ALK: variants seen among roughly 807,000 people sequenced by gnomAD.
ALK encodes the protein ALK receptor tyrosine kinase.
A neutral mutation model predicts 163.1 loss-of-function variants in ALK; 74 were observed. The observed-to-expected ratio is 0.45, with a 90% CI of 0.38 to 0.55. The LOEUF is 0.55. Ranked by LOEUF, ALK falls within the 20% of genes least tolerant of loss-of-function variation. The pLI is 0.00. For missense variants in ALK, 2,063 were observed against 2,105.3 expected (o/e 0.98, Z 0.39); for synonymous variants, 960 against 843.2 (o/e 1.14, Z -2.40).
At chr2:29,510,226 C>A (rs539640102) in intron 4 of ALK, among the ~76,000 whole-genome samples, 69 of 152,308 alleles carry the variant, frequency 4.5e-4, no homozygotes, top group Non-Finnish European at 8.4e-4. Context: ...CCTTTAATTC[C>A]TTCATCTGGT....
intron 4 of ALK, among the ~76,000 whole-genome samples, chr2:29,525,815 A>G (rs951029622): frequency 7.3e-6 from 1 of 137,740 alleles, no homozygotes; most frequent in Admixed American, 7.5e-5. Context: ...AAAAAAAAAA[A>G]GATGAGACTC....
In ALK at chr2:29,547,423, C is replaced by T. The variant is rs892783758; in HGVS notation, c.953-15307G>A. The stretch of plus-strand genomic sequence containing the variant: ...ATCAGCCTGGGCAACATGGTGAAAC[C>T]CCATCTCTACTAAAATACAAAAGAT... On this transcript the variant is annotated intron_variant, in intron 3 of 28. Coordinates refer to ENST00000389048, the MANE Select transcript of ALK (RefSeq NM_004304.5). 6.6e-5 allele frequency among the ~76,000 whole-genome samples: 10 copies of T among 152,176 alleles called. No individual in the cohort carries two copies. The East Asian group carries it at 1.9e-3, about 29-fold the overall frequency.
intron 1 of ALK, among the ~76,000 whole-genome samples, chr2:29,829,665 T>C (rs147623088): frequency 6.6e-6 from 1 of 152,340 alleles, no homozygotes; most frequent in Non-Finnish European, 1.5e-5. Flanking sequence ...GGGTAAAATA[T>C]TCATCAGATT....
At chr2:29,307,467 C>A (rs1666556566) in intron 8 of ALK, among the ~76,000 whole-genome samples, 1 of 152,174 alleles carries the variant, frequency 6.6e-6, no homozygotes, top group South Asian at 2.1e-4. Context: ...TATTCCCCAT[C>A]CAGTCTCTGT....
intron 3 of ALK, among the ~76,000 whole-genome samples, chr2:29,681,936 G>A (rs73921156): frequency 0.034 from 5,182 of 152,122 alleles, 311 homozygotes; most frequent in African/African-American, 0.12. Flanking sequence ...CAGGCTTCTG[G>A]AATTCACCTC....
chr2:29,813,571 G>A (rs993624604), intron 1 of ALK, among the ~76,000 whole-genome samples: 3 of 152,224 alleles, frequency 2.0e-5, no homozygotes, highest in African/African-American at 4.8e-5. Flanking sequence ...TAAAAAAGAA[G>A]AGGCATAAAA....
intron 3 of ALK, among the ~76,000 whole-genome samples, chr2:29,644,773 C>T (rs922755864): frequency 3.9e-5 from 6 of 151,998 alleles, no homozygotes; most frequent in Admixed American, 1.3e-4. Context: ...TCTAAAAGTA[C>T]GTATTAAAAA....
chr2:29,844,376 G>C (rs772628692), intron 1 of ALK, among the ~76,000 whole-genome samples: 1 of 152,082 alleles, frequency 6.6e-6, no homozygotes, highest in Non-Finnish European at 1.5e-5. Flanking sequence ...TGCCATTTTA[G>C]GGAATATTTT....
chr2:29,249,360 A>G (rs1345201468), intron 12 of ALK, among the ~76,000 whole-genome samples: 1 of 151,994 alleles, frequency 6.6e-6, no homozygotes, highest in African/African-American at 2.4e-5. Flanking sequence ...CTTTTTGTAT[A>G]CGGGGTGTGT....
chr2:29,493,016 T>A (rs1051465749), intron 4 of ALK, among the ~76,000 whole-genome samples: 6 of 152,208 alleles, frequency 3.9e-5, no homozygotes, highest in African/African-American at 1.4e-4. Context: ...GGTCAAGGAA[T>A]GCAGTGGAGA....
chr2:29,654,377 T>C (rs1677118371), intron 3 of ALK, among the ~76,000 whole-genome samples: 1 of 150,198 alleles, frequency 6.7e-6, no homozygotes, highest in Admixed American at 6.6e-5. Flanking sequence ...CCTTTTGTTC[T>C]AGGGAGAGTT....
chr2:29,481,148 A>C (rs897914292), intron 4 of ALK, among the ~76,000 whole-genome samples: 2 of 152,242 alleles, frequency 1.3e-5, no homozygotes, highest in African/African-American at 4.8e-5. Flanking sequence ...AGTTTCAGTC[A>C]TTCACCCAAG....
chr2:29,395,571 C>T (rs1025611459), intron 4 of ALK, among the ~76,000 whole-genome samples: 2 of 152,198 alleles, frequency 1.3e-5, no homozygotes, highest in African/African-American at 2.4e-5. Context: ...TTCTCTCTGA[C>T]CCTCTCCTGC....
intron 1 of ALK, among the ~76,000 whole-genome samples, chr2:29,753,268 A>G (rs966313390): frequency 1.3e-5 from 2 of 152,228 alleles, no homozygotes; most frequent in African/African-American, 4.8e-5. Flanking sequence ...CTTAAAAAAT[A>G]ACAAGTGCGA....
chr2:29,449,066 CT>C (rs1272448312), intron 4 of ALK, among the ~76,000 whole-genome samples: 1 of 152,184 alleles, frequency 6.6e-6, no homozygotes, highest in Non-Finnish European at 1.5e-5. Context: ...AACAATCTTT[CT>C]TTGCATGACA....
chr2:29,718,925 C>G (rs974729919), intron 1 of ALK, among the ~76,000 whole-genome samples: 2 of 152,222 alleles, frequency 1.3e-5, no homozygotes, highest in African/African-American at 4.8e-5. Context: ...TTTTCCCAGT[C>G]TGCCTGCTCT....
At chr2:29,862,254 T>C (rs1020373238) in intron 1 of ALK, among the ~76,000 whole-genome samples, 1 of 152,096 alleles carries the variant, frequency 6.6e-6, no homozygotes, top group African/African-American at 2.4e-5. Context: ...TTCAATGTAG[T>C]ACTGGAAGTC....
chr2:29,302,951 A>G (rs576007204), intron 8 of ALK, among the ~76,000 whole-genome samples: 2 of 152,364 alleles, frequency 1.3e-5, no homozygotes, highest in African/African-American at 2.4e-5. Context: ...ACTCTTTTGG[A>G]CATTGGCCTA....
At chr2:29,690,362 G>A (rs890342161) in intron 3 of ALK, among the ~76,000 whole-genome samples, 1 of 152,134 alleles carries the variant, frequency 6.6e-6, no homozygotes, top group African/African-American at 2.4e-5. Flanking sequence ...GGAAGAATAG[G>A]AGCCTCCTCA....
Sources: gnomAD v4.1 joint callset for allele counts (sites outside exome capture counted in the v4.1 genomes callset) on GRCh38, gnomAD v4.1.1 for gene constraint, MANE v1.5 for transcripts, NCBI Gene and HGNC (gene_info 2026-07-23, HGNC 2026-07-21) for gene names.